Variants in TLN2 observed in about 807,000 individuals in gnomAD.
TLN2 encodes talin-2.
In TLN2, 118 loss-of-function variants were observed where a neutral mutation model predicts 294.7. That is an observed-to-expected ratio of 0.40 (90% CI 0.34 to 0.47). The LOEUF (loss-of-function observed/expected upper bound fraction) is 0.47. Ranked by LOEUF, TLN2 falls within the 20% of genes least tolerant of loss-of-function variation. The pLI is 0.84. For missense variants in TLN2, 3,083 were observed against 3,282.2 expected (o/e 0.94, Z 1.48); for synonymous variants, 1,431 against 1,304.5 (o/e 1.10, Z -2.09).
intron 12 of TLN2, among the ~76,000 whole-genome samples, chr15:62,687,215 C>A (rs2057358012): frequency 6.6e-6 from 1 of 152,158 alleles, no homozygotes; most frequent in African/African-American, 2.4e-5. Context: ...GTTTTCCCAG[C>A]CTGCCTAGAA....
At chr15:62,805,559 T>G (rs775170320) in intron 50 of TLN2, 41 bp from the exon 51 acceptor site, 9 of 1,539,372 alleles carry the variant, frequency 5.8e-6, no homozygotes, top group South Asian at 3.7e-5. Context: ...TTTTTTCGTT[T>G]CCTTTTTGAT....
At chr15:62,833,211 A>G (rs1358261634) in intron 54 of TLN2, 2 of 333,780 alleles carry the variant, frequency 6.0e-6, no homozygotes, top group Non-Finnish European at 1.1e-5. Context: ...ACACATACAA[A>G]GAAAACTATT....
At chr15:62,588,928 A>G (rs1056768551) in intron 1 of TLN2, among the ~76,000 whole-genome samples, 4 of 151,568 alleles carry the variant, frequency 2.6e-5, no homozygotes, top group Non-Finnish European at 5.9e-5. Context: ...TTATTCTTCC[A>G]TAAGTAGGGA....
intron 51 of TLN2, among the ~76,000 whole-genome samples, chr15:62,806,207 T>C (rs1253952433): frequency 1.3e-5 from 2 of 151,166 alleles, no homozygotes; most frequent in African/African-American, 2.4e-5. Context: ...AAAAAAAAAA[T>C]GCACGCTGAA....
chr15:62,831,298 C>T lies in TLN2; in HGVS notation c.7003-2206C>T, dbSNP rs1309527665. ...CAAGAGCGTGAGAGACTTCAGGAGC[C>T]GCCATGAAGAGCTCCCACAAGCCTC... On this transcript the variant is annotated intron_variant, in intron 54 of 58. Transcript: ENST00000636159. 7 of 152,026 alleles carry T rather than the reference C, an allele frequency of 4.6e-5. No homozygotes were observed. The East Asian group carries it at 9.7e-4, about 21-fold the overall frequency. The allele number at this position is 152,026 out of a possible 1,614,324, so 9.4% of individuals were successfully genotyped here.
chr15:62,839,086 G>A (rs1040430046), intron 58 of TLN2, 105 bp downstream of exon 58: 17 of 1,424,934 alleles, frequency 1.2e-5, no homozygotes, highest in African/African-American at 7.1e-5. Flanking sequence ...TTTCTTCCTC[G>A]TGTACCAGAG....
intron 1 of TLN2, among the ~76,000 whole-genome samples, chr15:62,437,393 G>A (rs1166659067): frequency 6.6e-6 from 1 of 151,930 alleles, no homozygotes; most frequent in Non-Finnish European, 1.5e-5. Flanking sequence ...GGGACTATAA[G>A]TGCGAGCCAC....
chr15:62,812,054 T>TAAATA (rs1205681210), intron 52 of TLN2, among the ~76,000 whole-genome samples: 3 of 150,714 alleles, frequency 2.0e-5, no homozygotes, highest in Non-Finnish European at 4.4e-5. Flanking sequence ...AATAAATAAA[T>TAAATA]AAAATCTGCC....
intron 2 of TLN2, among the ~76,000 whole-genome samples, chr15:62,607,382 G>C (rs2047541518): frequency 6.6e-6 from 1 of 152,088 alleles, no homozygotes; most frequent in South Asian, 2.1e-4. Flanking sequence ...TTCCCTGATG[G>C]TTTTAAGCTA....
intron 1 of TLN2, among the ~76,000 whole-genome samples, chr15:62,499,332 C>T (rs1207582121): frequency 6.6e-6 from 1 of 152,074 alleles, no homozygotes; most frequent in Non-Finnish European, 1.5e-5. Flanking sequence ...CACCTGTAGT[C>T]CCAGCTACTC....
At chr15:62,761,070 A>G (rs1465637326) in intron 37 of TLN2, among the ~76,000 whole-genome samples, 1 of 152,104 alleles carries the variant, frequency 6.6e-6, no homozygotes, top group African/African-American at 2.4e-5. Context: ...CCGTTTTGTT[A>G]AATATGATGT....
chr15:62,528,788 C>T (rs1417277075), intron 1 of TLN2, among the ~76,000 whole-genome samples: 2 of 149,530 alleles, frequency 1.3e-5, no homozygotes, highest in Non-Finnish European at 2.9e-5. Context: ...TTTTTCTATC[C>T]CTTCCAATCT....
chr15:62,410,493 T>C (rs1002562268), intron 1 of TLN2, among the ~76,000 whole-genome samples: 1 of 152,246 alleles, frequency 6.6e-6, no homozygotes, highest in Non-Finnish European at 1.5e-5. Flanking sequence ...CTTGTCACTT[T>C]AGCCATGCTT....
At chr15:62,507,710 A>G (rs541772446) in intron 1 of TLN2, among the ~76,000 whole-genome samples, 1 of 152,342 alleles carries the variant, frequency 6.6e-6, no homozygotes, top group African/African-American at 2.4e-5. Context: ...ATTGAAGCAT[A>G]GTAAAATGTG....
chr15:62,522,420 A>G (rs1395559536), intron 1 of TLN2, among the ~76,000 whole-genome samples: 1 of 152,170 alleles, frequency 6.6e-6, no homozygotes, highest in Non-Finnish European at 1.5e-5. Context: ...GTGGTGGTCC[A>G]TTCTCGTGGA....
chr15:62,427,572 G>T (rs1185084978), intron 1 of TLN2, among the ~76,000 whole-genome samples: 1 of 152,028 alleles, frequency 6.6e-6, no homozygotes, highest in African/African-American at 2.4e-5. Context: ...TGGGCTGGGG[G>T]GTGGATGAGA....
At chr15:62,391,451 C>A (rs1566936776) in intron 1 of TLN2, among the ~76,000 whole-genome samples, 1 of 152,252 alleles carries the variant, frequency 6.6e-6, no homozygotes, top group Non-Finnish European at 1.5e-5. Context: ...ATTTTGCGCC[C>A]ATTGGAAGCT....
intron 1 of TLN2, among the ~76,000 whole-genome samples, chr15:62,428,508 A>G (rs1447910526): frequency 6.6e-6 from 1 of 152,240 alleles, no homozygotes; most frequent in East Asian, 1.9e-4. Context: ...AAAGCACGTG[A>G]AGCCACGTGC....
At position 62,399,608 on chromosome 15, in the gene TLN2, C is replaced by T. The variant is rs150042195; in HGVS notation, c.-238+8923C>T. ...CAAGGTCATGGGAACCCACCTCTTG[C>T]ATCAGTGTAATGTGGATGTGAGACA... On this transcript the variant is annotated intron_variant, in intron 1 of 58. Transcript: ENST00000636159. Among the ~76,000 whole-genome samples, 30 of 152,342 alleles carry T rather than the reference C, an allele frequency of 2.0e-4. No individual in the cohort carries two copies. In the East Asian group the frequency reaches 5.2e-3, roughly 26 times the overall value.
Sources: gnomAD v4.1 joint callset for allele counts (sites outside exome capture counted in the v4.1 genomes callset) on GRCh38, gnomAD v4.1.1 for gene constraint, MANE v1.5 for transcripts, NCBI Gene and HGNC (gene_info 2026-07-23, HGNC 2026-07-21) for gene names.